ANKRD62: variants seen among roughly 807,000 people sequenced by gnomAD.
ANKRD62 encodes the protein ankyrin repeat domain-containing protein 62.
In ANKRD62, 61 loss-of-function variants were observed where a neutral mutation model predicts 98.8. The observed-to-expected ratio is 0.62, with a 90% CI of 0.50 to 0.76. The LOEUF (loss-of-function observed/expected upper bound fraction) is 0.76. ANKRD62 is among the 30% of genes least tolerant of loss of function. ANKRD62 has a pLI of 0.00. For synonymous variants in ANKRD62, 341 were observed against 367.9 expected (o/e 0.93, Z 0.84); for missense variants, 933 against 1,082.9 (o/e 0.86, Z 1.94).
At position 12,115,500 on chromosome 18, in the gene ANKRD62, G is replaced by A; in HGVS notation, c.1206G>A (p.Met402Ile). 1.3e-6 allele frequency: 2 copies of A among 1,537,554 alleles called. No homozygotes were observed. Among genetic ancestry groups the A allele is most frequent in the Non-Finnish European group, 1.7e-6 (2 of 1,146,414 alleles). The change falls in exon 10 of 14, where the codon ATG becomes ATA. Residue 402 changes from methionine (M) to isoleucine (I), a missense_variant. This residue lies in a region of ANKRD62 where 549 missense variants were observed against 587.9 expected (regional missense o/e 0.93). Transcript: ENST00000587848. ...CTTACTCTGATGATGAGAATTTTATGTTACTCATTGAACAAAGTGGAATGG... is the reference window on the plus strand; with the variant it reads ...CTTACTCTGATGATGAGAATTTTATATTACTCATTGAACAAAGTGGAATGG... ...ELPYSDDENFMLLIEQSGMEC... is the reference protein window; with the variant it reads ...ELPYSDDENFILLIEQSGMEC...
the ANKRD62 span, among the ~76,000 whole-genome samples, chr18:12,145,701 G>A: frequency 5.3e-5 from 8 of 152,230 alleles, no homozygotes; most frequent in African/African-American, 1.9e-4. Flanking sequence ...CAGAGGGAGA[G>A]GCGGGCCATC....
chr18:12,166,598 A>C, the ANKRD62 span, among the ~76,000 whole-genome samples: 1 of 152,096 alleles, frequency 6.6e-6, no homozygotes, highest in African/African-American at 2.4e-5. Flanking sequence ...CTGAAAAGTC[A>C]CATATCTCTG....
chr18:12,138,397 T>G, the ANKRD62 span, among the ~76,000 whole-genome samples: 10 of 152,248 alleles, frequency 6.6e-5, no homozygotes, highest in African/African-American at 2.2e-4. Context: ...TTGATTGCAC[T>G]GTGGTCTGAG....
At chr18:12,178,113 CA>C in the ANKRD62 span, among the ~76,000 whole-genome samples, 2 of 151,382 alleles carry the variant, frequency 1.3e-5, no homozygotes, top group Admixed American at 6.6e-5. Context: ...AAAGTCCATC[CA>C]GGGGACACTT....
chr18:12,107,264 AATT>A (rs1259474308), intron 7 of ANKRD62, 28 bp from the exon 8 acceptor site: 10 of 1,426,906 alleles, frequency 7.0e-6, no homozygotes, highest in Non-Finnish European at 9.2e-6. Context: ...AAATAATGAC[AATT>A]ATTCTCAGTA....
chr18:12,101,253 C>G (rs1160356759), intron 6 of ANKRD62, among the ~76,000 whole-genome samples: 2 of 152,020 alleles, frequency 1.3e-5, no homozygotes, highest in Admixed American at 6.5e-5. Context: ...TAGAGATTCC[C>G]ATAGTGGGAA....
At chr18:12,114,407 A>G (rs1909614367) in intron 8 of ANKRD62, among the ~76,000 whole-genome samples, 1 of 152,230 alleles carries the variant, frequency 6.6e-6, no homozygotes, top group South Asian at 2.1e-4. Context: ...ACTTGAAAAT[A>G]AATATTACTT....
the ANKRD62 span, among the ~76,000 whole-genome samples, chr18:12,161,896 A>G: frequency 4.0e-3 from 616 of 152,252 alleles, 8 homozygotes; most frequent in African/African-American, 0.014. Flanking sequence ...TCCATTGTGT[A>G]TATGTACCAC....
At chr18:12,179,184 G>A in the ANKRD62 span, among the ~76,000 whole-genome samples, 1 of 148,054 alleles carries the variant, frequency 6.8e-6, no homozygotes, top group Non-Finnish European at 1.5e-5. Context: ...GAGTGAATCA[G>A]AGAGGAGATG....
intron 10 of ANKRD62, among the ~76,000 whole-genome samples, chr18:12,118,608 TAAA>T (rs34897974): frequency 4.0e-4 from 57 of 141,076 alleles, no homozygotes; most frequent in Non-Finnish European, 4.9e-4. Flanking sequence ...GGCTCTGTCT[TAAA>T]AAAAAAAAAA....
the ANKRD62 span, among the ~76,000 whole-genome samples, chr18:12,170,958 C>CT: frequency 0.2 from 27,596 of 136,744 alleles, 3,293 homozygotes; most frequent in East Asian, 0.51. Flanking sequence ...GCAACCCCTG[C>CT]TTTTTTTTTT....
intron 7 of ANKRD62, among the ~76,000 whole-genome samples, chr18:12,106,417 C>G (rs1417650798): frequency 6.6e-6 from 1 of 152,132 alleles, no homozygotes; most frequent in Non-Finnish European, 1.5e-5. Flanking sequence ...TCAGCCCCTT[C>G]TGAGGCATTA....
rs1215503685 is a variant in ANKRD62 at position 12,125,886 on chromosome 18, T to G, written c.2065T>G (p.Cys689Gly). 6.5e-7 allele frequency: 1 copy of G among 1,543,414 alleles called. No individual in the cohort carries two copies. The highest frequency in any genetic ancestry group is 1.4e-5 in the African/African-American group (1 of 73,048). Residue 689 changes from cysteine (C) to glycine (G), a missense_variant, in exon 13 of 14, where the codon TGT becomes GGT. Physicochemically the swap from Cys to Gly is radical, Grantham distance 159. Transcript: ENST00000587848. ...TTTCCAGAGCACAGTGAATGAATGG[T>G]GTCATTTACAAGAAGACACTAATTC... Reference protein sequence around the residue: ...LAFQSTVNEWCHLQEDTNSHI... With the variant: ...LAFQSTVNEWGHLQEDTNSHI...
At chr18:12,096,756 A>G (rs1229595466) in intron 4 of ANKRD62, among the ~76,000 whole-genome samples, 1 of 152,144 alleles carries the variant, frequency 6.6e-6, no homozygotes, top group African/African-American at 2.4e-5. Flanking sequence ...TGTGTTTTGG[A>G]TGACTCTTTG....
the ANKRD62 span, among the ~76,000 whole-genome samples, chr18:12,145,935 C>T: frequency 6.6e-6 from 1 of 152,240 alleles, no homozygotes; most frequent in Admixed American, 6.5e-5. Context: ...GTAGGACCTC[C>T]CAAATGGGGT....
the ANKRD62 span, among the ~76,000 whole-genome samples, chr18:12,158,191 C>T: frequency 1.3e-5 from 2 of 152,202 alleles, no homozygotes; most frequent in South Asian, 2.1e-4. Context: ...GCCAGAGGAA[C>T]GTGCTTTGTT....
chr18:12,157,031 C>T, the ANKRD62 span, among the ~76,000 whole-genome samples: 1,698 of 152,246 alleles, frequency 0.011, 31 homozygotes, highest in African/African-American at 0.039. Flanking sequence ...GCCTCGGCCC[C>T]GCAAAGTGCT....
intron 8 of ANKRD62, 73 bp downstream of exon 8, chr18:12,107,540 T>G: frequency 1.7e-6 from 2 of 1,154,540 alleles, no homozygotes; most frequent in Non-Finnish European, 2.2e-6. Context: ...TTTGGGTTAA[T>G]ATGTACGATT....
At chr18:12,118,189 A>G (rs771835810) in intron 10 of ANKRD62, among the ~76,000 whole-genome samples, 1 of 152,148 alleles carries the variant, frequency 6.6e-6, no homozygotes, top group African/African-American at 2.4e-5. Context: ...CTCCCTAAAA[A>G]TCCTCAGTAC....
Sources: gnomAD v4.1 joint callset for allele counts (sites outside exome capture counted in the v4.1 genomes callset) on GRCh38, gnomAD v4.1.1 for gene constraint, gnomAD v4.1.1 regional missense constraint, MANE v1.5 for transcripts, NCBI Gene and HGNC (gene_info 2026-07-23, HGNC 2026-07-21) for gene names.